HMCN1: variants seen among roughly 807,000 people sequenced by gnomAD.
HMCN1 encodes the protein hemicentin-1.
A neutral mutation model predicts 625.9 loss-of-function variants in HMCN1; 321 were observed. That is an observed-to-expected ratio of 0.51 (90% CI 0.47 to 0.56). The LOEUF is 0.56. Among genes scored for constraint, HMCN1 ranks in the 20% least tolerant of loss-of-function variants. The probability of loss-of-function intolerance (pLI) is 0.00; values close to 1 mark genes in which losing one functional copy is unlikely to be tolerated. For missense variants in HMCN1, 6,588 were observed against 6,887.3 expected (o/e 0.96, Z 1.54); for synonymous variants, 2,425 against 2,417.6 (o/e 1.00, Z -0.09).
At chr1:186,104,502 G>C (rs1306553444) in intron 69 of HMCN1, among the ~76,000 whole-genome samples, 1 of 152,110 alleles carries the variant, frequency 6.6e-6, no homozygotes, top group Non-Finnish European at 1.5e-5. Context: ...ATGGAAGAAA[G>C]GGAACTGGAA....
chr1:185,872,975 G>T (rs563282427), intron 4 of HMCN1, among the ~76,000 whole-genome samples: 3 of 152,118 alleles, frequency 2.0e-5, no homozygotes, highest in Middle Eastern at 3.4e-3. Flanking sequence ...TACCAAAAAA[G>T]CACAGAAGAC....
rs899352496 is a variant in HMCN1 at position 186,190,413 on chromosome 1, T to C, written c.*535T>C. The C allele has an allele frequency of 1.0e-5, 2 of 198,942 alleles. No individual in the cohort carries two copies. Among genetic ancestry groups the C allele is most frequent in the Non-Finnish European group, 2.1e-5 (2 of 96,246 alleles). 12.3% of individuals were successfully genotyped at this position (198,942 alleles called of 1,614,324 possible). ...AAGAAGAAAAACACCACTCATTTTA[T>C]AAAATATAGTACAGCTACTATAAGG... On this transcript the variant is annotated 3_prime_UTR_variant, in exon 107 of 107. Coordinates refer to ENST00000271588, the MANE Select transcript of HMCN1 (RefSeq NM_031935.3).
At chr1:186,139,403 T>C (rs1167460104) in intron 89 of HMCN1, among the ~76,000 whole-genome samples, 1 of 152,186 alleles carries the variant, frequency 6.6e-6, no homozygotes, top group African/African-American at 2.4e-5. Context: ...ATGTTCTAAA[T>C]TTAAAAGAGC....
rs187230699 is a variant in HMCN1, at chr1:186,111,443, G to T, written c.10990-1369G>T. 8.0e-3 allele frequency among the ~76,000 whole-genome samples: 1,214 copies of T among 152,130 alleles called. 18 individuals are homozygous for T. The highest frequency in any genetic ancestry group is 0.043 in the South Asian group (208 of 4,818). The stretch of plus-strand genomic sequence containing the variant: ...GCAGGAGGATTGCTTAAGGACAAGG[G>T]TTCAAGACCAGCCTGGGCAACAGAG... On this transcript the variant is annotated intron_variant, in intron 71 of 106. Coordinates refer to ENST00000271588, the MANE Select transcript of HMCN1 (RefSeq NM_031935.3).
chr1:186,178,239 T>C (rs148599354), intron 103 of HMCN1, among the ~76,000 whole-genome samples, 177 bp from the exon 104 acceptor site: 1,851 of 152,314 alleles, frequency 0.012, 34 homozygotes, highest in African/African-American at 0.037. Context: ...TGTTCATAAC[T>C]GAATGATTAA....
intron 8 of HMCN1, among the ~76,000 whole-genome samples, chr1:185,924,546 A>T (rs974023774): frequency 6.6e-6 from 1 of 152,160 alleles, no homozygotes; most frequent in African/African-American, 2.4e-5. Context: ...ATAGTTGTAG[A>T]GTGGTAAGAA....
In HMCN1 at chr1:186,110,974, A is replaced by ATTTTTTTTTTTTTTTTTTTT. The variant is rs778503338; in HGVS notation, c.10990-1836_10990-1835insTTTTTTTTTTTTTTTTTTTT. ...GTCTACGGAAGAAAAACCAGAGAAA[A>ATTTTTTTTTTTTTTTTTTTT]TTCTTTTTTTTTTTTTTTTTTTTTG... On this transcript the variant is annotated intron_variant, in intron 71 of 106. Coordinates refer to ENST00000271588, the MANE Select transcript of HMCN1 (RefSeq NM_031935.3). 5.8e-4 allele frequency among the ~76,000 whole-genome samples: 35 copies of ATTTTTTTTTTTTTTTTTTTT among 59,912 alleles called. 1 individual carries two copies. The highest frequency in any genetic ancestry group is 6.8e-3 in the Middle Eastern group (1 of 148). The allele number at this position is 59,912 out of a possible 152,430, so 39.3% of individuals were successfully genotyped here.
chr1:186,022,119 A>G lies in HMCN1; in HGVS notation c.5626-911A>G, dbSNP rs564612324. ...GCGAGTGAATTTGATGTTAAATTTA[A>G]TGTACTACCTGTCCAGCAGATTGCT... On this transcript the variant is annotated intron_variant, in intron 35 of 106. Transcript: ENST00000271588. 5.1e-4 allele frequency among the ~76,000 whole-genome samples: 78 copies of G among 152,220 alleles called. No individual in the cohort carries two copies. In the Middle Eastern group the frequency reaches 0.01, roughly 20 times the overall value.
At chr1:186,064,071 G>T (rs1251772312) in intron 48 of HMCN1, among the ~76,000 whole-genome samples, 1 of 152,042 alleles carries the variant, frequency 6.6e-6, no homozygotes, top group African/African-American at 2.4e-5. Flanking sequence ...TCTATTTTAA[G>T]AAAGGCAGAT....
At chr1:185,764,275 C>T (rs1054274368) in intron 1 of HMCN1, among the ~76,000 whole-genome samples, 1 of 152,076 alleles carries the variant, frequency 6.6e-6, no homozygotes. Context: ...TATGTTTCAA[C>T]ATGACAAATA....
chr1:186,062,406 G>T, intron 47 of HMCN1, 108 bp from the exon 48 acceptor site: 1 of 721,018 alleles, frequency 1.4e-6, no homozygotes. Context: ...ATGTGGATTG[G>T]GGGATTTGTT....
In HMCN1 at chr1:186,144,338, G is replaced by C. The variant is rs1252616289; in HGVS notation, c.14090G>C (p.Cys4697Ser). The C allele has an allele frequency of 6.2e-7, 1 of 1,613,148 alleles. No individual in the cohort carries two copies. Among genetic ancestry groups the C allele is most frequent in the African/African-American group, 1.3e-5 (1 of 74,882 alleles). The change falls in exon 90 of 107, where the codon TGT (cysteine) becomes TCT (serine). Residue 4697 changes from cysteine (C) to serine (S), a missense_variant. Cys to Ser is a moderately radical substitution (Grantham distance 112, BLOSUM62 -1). Around this residue, in one of 3 missense-constraint regions of HMCN1, gnomAD observed 1,954 missense variants for 2,013.1 expected, o/e 0.97. Transcript: ENST00000271588. The stretch of plus-strand genomic sequence containing the variant: ...ATGCAAGTTTGCAATGAAAGAAATT[G>C]TCCAAGTAAGAGAAATACACTGTTT... The part of the protein sequence containing the change: ...TQMQVCNERN[C>S]PIHGKWATWA...
chr1:186,113,478 T>C (rs1465849740), intron 72 of HMCN1, among the ~76,000 whole-genome samples: 3 of 152,244 alleles, frequency 2.0e-5, no homozygotes, highest in Non-Finnish European at 4.4e-5. Context: ...ATATCTCTAA[T>C]ACTAAAATTA....
chr1:185,789,361 C>T (rs1244785154), intron 1 of HMCN1, among the ~76,000 whole-genome samples: 1 of 152,184 alleles, frequency 6.6e-6, no homozygotes, highest in African/African-American at 2.4e-5. Context: ...CAAGTAGGTT[C>T]AGGGAGGTTT....
intron 4 of HMCN1, among the ~76,000 whole-genome samples, chr1:185,868,733 T>A (rs2102365115): frequency 6.6e-6 from 1 of 152,324 alleles, no homozygotes; most frequent in East Asian, 1.9e-4. Context: ...ACATAATTTT[T>A]ATATTTCTAA....
Position 186,178,474 on chromosome 1 carries a change from C to T in HMCN1, c.16002C>T (p.Pro5334=), listed in dbSNP as rs373461955. Residue 5334 remains proline, a synonymous_variant, in exon 104 of 107, where the codon CCC becomes CCT. Transcript: ENST00000271588. The part of the protein sequence containing the change: ...KPCAHQCSNT[P]GSFKCICPPG... ...GTGCACATCAGTGCTCCAACACCCC[C>T]GGCAGCTTCAAGTGTATCTGTCCAC... 31 of 1,614,056 alleles carry T rather than the reference C, an allele frequency of 1.9e-5. No homozygotes were observed. The highest frequency in any genetic ancestry group is 1.8e-4 in the East Asian group (8 of 44,888).
At chr1:185,897,796 C>T (rs1452440358) in intron 4 of HMCN1, among the ~76,000 whole-genome samples, 1 of 152,122 alleles carries the variant, frequency 6.6e-6, no homozygotes, top group African/African-American at 2.4e-5. Context: ...TGTTCTCTCT[C>T]CTATTGTTAG....
At chr1:186,019,520 C>A in intron 34 of HMCN1, 21 bp from the exon 35 acceptor site, 1 of 1,587,558 alleles carries the variant, frequency 6.3e-7, no homozygotes, top group South Asian at 1.1e-5. Context: ...TTCATTCCCT[C>A]TCCCCCTTCC....
intron 40 of HMCN1, among the ~76,000 whole-genome samples, chr1:186,045,365 A>T (rs1183372522): frequency 6.6e-6 from 1 of 152,178 alleles, no homozygotes; most frequent in African/African-American, 2.4e-5. Flanking sequence ...TTTCTAAAAT[A>T]TTTCATGAGT....
Sources: allele counts gnomAD v4.1 joint callset (sites outside exome capture counted in the v4.1 genomes callset), GRCh38; gene constraint gnomAD v4.1.1; regional missense constraint gnomAD v4.1.1; transcripts MANE v1.5; gene names NCBI Gene and HGNC (gene_info 2026-07-23, HGNC 2026-07-21).